Variants in TPPP observed in about 807,000 individuals in gnomAD.
The protein encoded by TPPP is tubulin polymerization promoting protein.
TPPP carries 6 observed loss-of-function variants against 15.5 expected under a neutral mutation model. The ratio of observed to expected loss-of-function variants is 0.39; its 90% confidence interval spans 0.21 to 0.77. TPPP has a LOEUF of 0.77. TPPP is among the 30% of genes least tolerant of loss of function. The pLI is 0.42. For missense variants in TPPP, 269 were observed against 307.2 expected (o/e 0.88, Z 0.93); for synonymous variants, 146 against 133.9 (o/e 1.09, Z -0.63).
chr5:673,185 C>A (rs550796934), intron 2 of TPPP, among the ~76,000 whole-genome samples: 1 of 152,348 alleles, frequency 6.6e-6, no homozygotes, highest in East Asian at 1.9e-4. Flanking sequence ...GCCGCCACCA[C>A]CCCTTGCTTT....
chr5:692,616 T>G, intron 1 of TPPP: 1 of 981,286 alleles, frequency 1.0e-6, no homozygotes, highest in East Asian at 1.2e-4. Context: ...TCCTCAGATC[T>G]TCGGGCGCTG....
chr5:698,493 T>TA, the TPPP span, among the ~76,000 whole-genome samples: 1 of 151,990 alleles, frequency 6.6e-6, no homozygotes, highest in African/African-American at 2.4e-5. Context: ...TTCATGGACT[T>TA]ACAGTTCCAC....
rs1045801159 is a variant in TPPP at position 692,797 on chromosome 5, G to A, written c.-5+481C>T. The A allele has an allele frequency of 6.2e-5, 59 of 951,478 alleles. 4 individuals carry two copies. The highest frequency in any genetic ancestry group is 5.3e-4 in the Middle Eastern group (1 of 1,894). The allele number at this position is 951,478 out of a possible 1,614,324, so 58.9% of individuals were successfully genotyped here. ...TGAGATGGGCCGTTTCTGTGGCCAG[G>A]GATCTCTCAAAACCTGCTGCGGGCA... On this transcript the variant is annotated intron_variant, in intron 1 of 3. Coordinates refer to ENST00000360578, the MANE Select transcript of TPPP (RefSeq NM_007030.3).
chr5:696,079 G>A (rs1465931816), upstream of TPPP, among the ~76,000 whole-genome samples: 5 of 103,782 alleles, frequency 4.8e-5, no homozygotes, highest in South Asian at 3.1e-4. Flanking sequence ...CCTGGCACCC[G>A]CGCCCACCCC....
upstream of TPPP, among the ~76,000 whole-genome samples, chr5:694,422 G>A (rs1226285883): frequency 7.9e-6 from 1 of 126,690 alleles, no homozygotes; most frequent in Non-Finnish European, 1.9e-5. Context: ...CCCAGCCCCG[G>A]CTCTGTCCCT....
At chr5:673,980 C>T (rs778871915) in intron 2 of TPPP, among the ~76,000 whole-genome samples, 2 of 152,220 alleles carry the variant, frequency 1.3e-5, no homozygotes, top group African/African-American at 2.4e-5. Flanking sequence ...TGCACACATG[C>T]GCCATAGTTT....
At chr5:675,855 G>T (rs1486694080) in intron 2 of TPPP, 1 of 152,166 alleles carries the variant, frequency 6.6e-6, no homozygotes, top group African/African-American at 2.4e-5. Flanking sequence ...ACACAGAGGG[G>T]CCAGCCACAG....
intron 2 of TPPP, among the ~76,000 whole-genome samples, chr5:675,399 T>G (rs10067523): frequency 7.6e-5 from 6 of 79,172 alleles, no homozygotes; most frequent in African/African-American, 2.4e-4. Flanking sequence ...GGGTGCAGTG[T>G]GGCCAGGGGT....
At chr5:679,419 A>C (rs1334273883) in intron 1 of TPPP, among the ~76,000 whole-genome samples, 1 of 107,766 alleles carries the variant, frequency 9.3e-6, no homozygotes, top group African/African-American at 4.1e-5. Context: ...CTGGGGGTGG[A>C]AGGGCCGCCT....
At chr5:670,921 C>T (rs1740198477) in intron 2 of TPPP, among the ~76,000 whole-genome samples, 1 of 152,198 alleles carries the variant, frequency 6.6e-6, no homozygotes, top group African/African-American at 2.4e-5. Flanking sequence ...CTCCCCTCAT[C>T]TCAGGAAACC....
rs1561073481 is a variant in TPPP, at chr5:660,449, G to A, written c.*4653C>T. The A allele has an allele frequency of 6.6e-6, 1 of 152,458 alleles. No individual in the cohort carries two copies. Among genetic ancestry groups the A allele is most frequent in the East Asian group, 1.9e-4 (1 of 5,326 alleles). 9.4% of individuals were successfully genotyped at this position (152,458 alleles called of 1,614,324 possible). A position where few individuals can be genotyped will look rare whatever the true frequency, so the allele number is the denominator to read the frequency against. On this transcript the variant is annotated 3_prime_UTR_variant, in exon 4 of 4. Transcript: ENST00000360578. ...CCTGGACCACCAGAGCTCACAAAGT[G>A]TTCAGTAGTAAGAGGAGGAAAGATG...
intron 1 of TPPP, among the ~76,000 whole-genome samples, chr5:685,161 G>A (rs1324977231): frequency 6.6e-6 from 1 of 152,162 alleles, no homozygotes; most frequent in Non-Finnish European, 1.5e-5. Context: ...GAGAGTCACT[G>A]GTTGATCCTG....
intron 2 of TPPP, among the ~76,000 whole-genome samples, chr5:673,706 C>T (rs1740302298): frequency 6.6e-6 from 1 of 152,186 alleles, no homozygotes; most frequent in African/African-American, 2.4e-5. Flanking sequence ...AAGGCTGGTC[C>T]CCGGCCCCAC....
At chr5:691,848 C>T (rs1579202130) in intron 1 of TPPP, among the ~76,000 whole-genome samples, 1 of 94,902 alleles carries the variant, frequency 1.1e-5, no homozygotes, top group Non-Finnish European at 2.3e-5. Flanking sequence ...AGCCCTCAAC[C>T]CCCATCAAAA....
Position 668,589 on chromosome 5 carries a change from T to TG in TPPP, c.312-2467dup, listed in dbSNP as rs1391509877. On this transcript the variant is annotated intron_variant, in intron 2 of 3. Transcript: ENST00000360578. Reference sequence around the variant, plus strand: ...ACCTCGAGCTGAGCAGGCCGCGGGGTGGGGGCCTCGTCCACACCCGGCCGA... The same window carrying TG: ...ACCTCGAGCTGAGCAGGCCGCGGGGTGGGGGGCCTCGTCCACACCCGGCCGA... Among the ~76,000 whole-genome samples the TG allele has an allele frequency of 3.3e-5, 5 of 152,088 alleles. No individual in the cohort carries two copies. In the East Asian group the frequency reaches 7.8e-4, roughly 24 times the overall value.
In TPPP at chr5:673,234, C is replaced by T. The variant is rs551558817; in HGVS notation, c.311+4516G>A. 6.0e-4 allele frequency among the ~76,000 whole-genome samples: 91 copies of T among 152,330 alleles called. 1 individual carries two copies. The highest frequency in any genetic ancestry group is 6.8e-3 in the Middle Eastern group (2 of 294). On this transcript the variant is annotated intron_variant, in intron 2 of 3. Coordinates refer to ENST00000360578, the MANE Select transcript of TPPP (RefSeq NM_007030.3). The stretch of plus-strand genomic sequence containing the variant: ...AGGAAAATCTCTAGTGTCCCCAACG[C>T]CTCGTGGTGGCCCTGCTCCTCTCTC...
intron 2 of TPPP, among the ~76,000 whole-genome samples, chr5:669,063 C>A (rs1055459011): frequency 6.6e-6 from 1 of 152,242 alleles, no homozygotes; most frequent in Non-Finnish European, 1.5e-5. Flanking sequence ...CGCTGAGAAA[C>A]ACACCAAGTG....
the TPPP span, among the ~76,000 whole-genome samples, chr5:700,147 T>G: frequency 6.6e-6 from 1 of 151,996 alleles, no homozygotes; most frequent in Non-Finnish European, 1.5e-5. Context: ...GCACTTTATG[T>G]TTATCACAAT....
At chr5:668,766 C>G (rs114036931) in intron 2 of TPPP, among the ~76,000 whole-genome samples, 1,810 of 152,342 alleles carry the variant, frequency 0.012, 43 homozygotes, top group African/African-American at 0.042. Context: ...GTCACCAAAC[C>G]CCAAACAATC....
Sources: gnomAD v4.1 joint callset for allele counts (sites outside exome capture counted in the v4.1 genomes callset) on GRCh38, gnomAD v4.1.1 for gene constraint, MANE v1.5 for transcripts, NCBI Gene and HGNC (gene_info 2026-07-23, HGNC 2026-07-21) for gene names.